The following GABRA4 variants were observed in gnomAD, a reference collection of about 807,000 sequenced individuals.
GABRA4 encodes gamma-aminobutyric acid receptor subunit alpha-4.
A neutral mutation model predicts 49.7 loss-of-function variants in GABRA4; 12 were observed. The ratio of observed to expected loss-of-function variants is 0.24; its 90% CI spans 0.15 to 0.39. The LOEUF is 0.39. GABRA4 is among the 10% of genes least tolerant of loss of function. The pLI is 1.00. For missense variants in GABRA4, 506 were observed against 686.0 expected (o/e 0.74, Z 2.93); for synonymous variants, 288 against 240.2 (o/e 1.20, Z -1.84).
chr4:46,923,073 T>C lies in GABRA4; in HGVS notation c.*5152A>G, dbSNP rs968252512. 8 of 152,202 alleles carry C rather than the reference T, an allele frequency of 5.3e-5. 2 individuals carry two copies. Among genetic ancestry groups the C allele is most frequent in the Admixed American group, 1.3e-4 (2 of 15,270 alleles). The allele number at this position is 152,202 out of a possible 1,614,324, so 9.4% of individuals were successfully genotyped here. ...CCTGATGATCTGAGATGGAACAATT[T>C]CATCTGAAAACCATTCCCCCACCCT... On this transcript the variant is annotated 3_prime_UTR_variant, in exon 9 of 9. Coordinates refer to ENST00000264318, the MANE Select transcript of GABRA4 (RefSeq NM_000809.4).
chr4:46,988,925 A>G (rs1436671278), intron 2 of GABRA4, among the ~76,000 whole-genome samples: 1 of 152,220 alleles, frequency 6.6e-6, no homozygotes, highest in Non-Finnish European at 1.5e-5. Context: ...AAATTTTCTC[A>G]GCCTCTTTTC....
intron 2 of GABRA4, among the ~76,000 whole-genome samples, chr4:46,990,555 G>A (rs527666686): frequency 5.3e-4 from 81 of 152,128 alleles, no homozygotes; most frequent in African/African-American, 1.9e-3. Context: ...TTATGTTTTG[G>A]TATATCAATT....
intron 8 of GABRA4, among the ~76,000 whole-genome samples, chr4:46,931,962 A>G (rs184043526): frequency 1.3e-5 from 2 of 152,294 alleles, no homozygotes; most frequent in East Asian, 3.9e-4. Flanking sequence ...GGGAGCAAAA[A>G]TAAATATTAA....
In GABRA4 at chr4:46,920,841, A is replaced by G. The variant is rs1720998059; in HGVS notation, c.*7384T>C. Reference sequence around the variant, plus strand: ...AAGACTATAATTAGTTTTAAATCTTAGTGTTAATATAGAATATATTTAATT... The same window carrying G: ...AAGACTATAATTAGTTTTAAATCTTGGTGTTAATATAGAATATATTTAATT... On this transcript the variant is annotated 3_prime_UTR_variant, in exon 9 of 9. Coordinates refer to ENST00000264318, the MANE Select transcript of GABRA4 (RefSeq NM_000809.4). The G allele has an allele frequency of 6.6e-6, 1 of 151,896 alleles. No homozygotes were observed. Among genetic ancestry groups the G allele is most frequent in the African/African-American group, 2.4e-5 (1 of 41,442 alleles). The allele number at this position is 151,896 out of a possible 1,614,324, so 9.4% of individuals were successfully genotyped here.
chr4:46,921,918 G>A lies in GABRA4; in HGVS notation c.*6307C>T, dbSNP rs1721048260. The A allele has an allele frequency of 6.6e-6, 1 of 151,998 alleles. No individual in the cohort carries two copies. The highest frequency in any genetic ancestry group is 6.6e-5 in the Admixed American group (1 of 15,238). The allele number at this position is 151,998 out of a possible 1,614,324, so 9.4% of individuals were successfully genotyped here. ...GGAAATTGACTGGCATATATCTTGG[G>A]CAGGATGTAGATTTCAATAAGTATC... On this transcript the variant is annotated 3_prime_UTR_variant, in exon 9 of 9. Transcript: ENST00000264318.
At chr4:46,933,580 GT>G (rs1372974052) in intron 8 of GABRA4, among the ~76,000 whole-genome samples, 2 of 152,126 alleles carry the variant, frequency 1.3e-5, no homozygotes, top group Non-Finnish European at 2.9e-5. Flanking sequence ...GTTTTACTCT[GT>G]TAAAAGTAGT....
At chr4:46,961,522 C>G (rs915262087) in intron 8 of GABRA4, among the ~76,000 whole-genome samples, 1 of 151,848 alleles carries the variant, frequency 6.6e-6, no homozygotes. Flanking sequence ...TTTTGGTACA[C>G]TATCGGCTCA....
At chr4:46,946,248 G>C (rs1721974443) in intron 8 of GABRA4, among the ~76,000 whole-genome samples, 3 of 152,086 alleles carry the variant, frequency 2.0e-5, no homozygotes, top group Non-Finnish European at 4.4e-5. Context: ...TTTCATCAAA[G>C]TGGAAACTGA....
rs138841028 is a variant in GABRA4, at chr4:46,939,496, C to G, written c.1135-10741G>C. Among the ~76,000 whole-genome samples, 1,150 of 152,006 alleles carry G rather than the reference C, an allele frequency of 7.6e-3. 13 individuals carry two copies. The highest frequency in any genetic ancestry group is 0.026 in the African/African-American group (1,090 of 41,502). On this transcript the variant is annotated intron_variant, in intron 8 of 8. Coordinates refer to ENST00000264318, the MANE Select transcript of GABRA4 (RefSeq NM_000809.4). ...CACTGAAACCTAAAACGTTGAGCAC[C>G]TCTCTCTCCCAGCATGATACAATTA...
At chr4:46,971,045 A>T (rs781008081) in intron 7 of GABRA4, 38 bp downstream of exon 7, 1 of 1,580,954 alleles carries the variant, frequency 6.3e-7, no homozygotes, top group South Asian at 1.1e-5. Flanking sequence ...ATAAAATGTA[A>T]TGTGAACAAA....
At position 46,964,979 on chromosome 4, in the gene GABRA4, G is replaced by A. The variant is rs1296444113; in HGVS notation, c.1125C>T (p.Ala375=). ...GGATTAAGTCAAATACCTGCAGAGGGGCTTCAGGATGCTTCTCTCTCTGCA... is the reference window on the plus strand; with the variant it reads ...GGATTAAGTCAAATACCTGCAGAGGAGCTTCAGGATGCTTCTCTCTCTGCA... ...APVQREKHPE[A]PLQNTNANLN... Residue 375 remains alanine, a synonymous_variant, in exon 8 of 9, where the codon GCC becomes GCT. Transcript: ENST00000264318. 1 of 1,597,872 alleles carries A rather than the reference G, an allele frequency of 6.3e-7. No individual in the cohort carries two copies. The highest frequency in any genetic ancestry group is 1.4e-5 in the African/African-American group (1 of 73,972).
At position 46,923,854 on chromosome 4, in the gene GABRA4, C is replaced by T. The variant is rs1341245254; in HGVS notation, c.*4371G>A. 3 of 152,096 alleles carry T rather than the reference C, an allele frequency of 2.0e-5. No individual in the cohort carries two copies. Among genetic ancestry groups the T allele is most frequent in the Admixed American group, 1.3e-4 (2 of 15,246 alleles). 9.4% of individuals were successfully genotyped at this position (152,096 alleles called of 1,614,324 possible). On this transcript the variant is annotated 3_prime_UTR_variant, in exon 9 of 9. Coordinates refer to ENST00000264318, the MANE Select transcript of GABRA4 (RefSeq NM_000809.4). ...ATCCAGGCTCTTTAGGTCTTTCCAA[C>T]ATCAACAACTCTCACTTCCCTGCAT...
At chr4:46,957,764 C>T (rs1451914836) in intron 8 of GABRA4, among the ~76,000 whole-genome samples, 1 of 151,886 alleles carries the variant, frequency 6.6e-6, no homozygotes, top group Non-Finnish European at 1.5e-5. Context: ...CCTGTCTCAG[C>T]CCTGCCACTT....
rs1302124342 is a variant in GABRA4, at chr4:46,924,672, T to C, written c.*3553A>G. 6.6e-6 allele frequency: 1 copy of C among 152,014 alleles called. No individual in the cohort carries two copies. The highest frequency in any genetic ancestry group is 1.5e-5 in the Non-Finnish European group (1 of 67,934). 9.4% of individuals were successfully genotyped at this position (152,014 alleles called of 1,614,324 possible). ...GAGATGTTATATATATTTTTGAAGG[T>C]AGGGAAACCTTAGTTTGAAGCAAGC... is the stretch of plus-strand genomic sequence containing the variant. On this transcript the variant is annotated 3_prime_UTR_variant, in exon 9 of 9. Coordinates refer to ENST00000264318, the MANE Select transcript of GABRA4 (RefSeq NM_000809.4).
In GABRA4 at chr4:46,977,563, A is replaced by G. The variant is rs747173070; in HGVS notation, c.341T>C (p.Ile114Thr). 4.3e-6 allele frequency: 7 copies of G among 1,613,190 alleles called. No individual in the cohort carries two copies. The highest frequency in any genetic ancestry group is 1.3e-5 in the African/African-American group (1 of 74,970). The change falls in exon 4 of 9, where the codon ATT becomes ACT. Residue 114 changes from isoleucine (I) to threonine (T), a missense_variant. Around this residue, in one of 5 missense-constraint regions of GABRA4, gnomAD observed 195 missense variants for 326.0 expected, o/e 0.60. Coordinates refer to ENST00000264318, the MANE Select transcript of GABRA4 (RefSeq NM_000809.4). ...IDKRLKYDGP[I>T]EILRLNNMMV... Reference sequence around the variant, plus strand: ...CATATTGTTCAATCTCAAAATTTCAATGGGGCCGTCATATTTTAATCTTTT... The same window carrying G: ...CATATTGTTCAATCTCAAAATTTCAGTGGGGCCGTCATATTTTAATCTTTT...
intron 2 of GABRA4, among the ~76,000 whole-genome samples, chr4:46,983,112 A>G (rs1055286923): frequency 1.1e-4 from 17 of 152,098 alleles, no homozygotes. Flanking sequence ...CACAGAGATT[A>G]AATAATGTAT....
chr4:46,944,582 T>C (rs549900630), intron 8 of GABRA4, among the ~76,000 whole-genome samples: 1 of 152,170 alleles, frequency 6.6e-6, no homozygotes, highest in South Asian at 2.1e-4. Context: ...TGTCTTAGTT[T>C]AGTTCTAGAA....
chr4:46,990,305 C>T (rs553838470), intron 2 of GABRA4, among the ~76,000 whole-genome samples: 4 of 152,220 alleles, frequency 2.6e-5, no homozygotes, highest in East Asian at 3.9e-4. Flanking sequence ...GTCCTTGAGA[C>T]GTTTAATAGA....
rs138564172 is a variant in GABRA4, at chr4:46,953,032, A to G, written c.1134+11938T>C. 4.6e-3 allele frequency among the ~76,000 whole-genome samples: 697 copies of G among 152,204 alleles called. 6 individuals are homozygous for G. Among genetic ancestry groups the G allele is most frequent in the East Asian group, 0.024 (122 of 5,152 alleles). ...GGCTATGTGTTAGGAAATATGTGCC[A>G]GATGTGCTGGGGAAGTGACGGAGTA... On this transcript the variant is annotated intron_variant, in intron 8 of 8. Coordinates refer to ENST00000264318, the MANE Select transcript of GABRA4 (RefSeq NM_000809.4).
Sources: allele counts gnomAD v4.1 joint callset (sites outside exome capture counted in the v4.1 genomes callset), GRCh38; gene constraint gnomAD v4.1.1; regional missense constraint gnomAD v4.1.1; transcripts MANE v1.5; gene names NCBI Gene and HGNC (gene_info 2026-07-23, HGNC 2026-07-21).